CHST11: variants seen among roughly 807,000 people sequenced by gnomAD.
CHST11 encodes the protein carbohydrate sulfotransferase 11.
Under a neutral mutation model 30.4 loss-of-function variants are expected in CHST11, and 9 were observed. The ratio of observed to expected loss-of-function variants is 0.30; its 90% CI spans 0.18 to 0.52. The LOEUF (loss-of-function observed/expected upper bound fraction) is 0.52, where lower values mean the gene tolerates loss of function less well. Among genes scored for constraint, CHST11 ranks in the 20% least tolerant of loss-of-function variants. CHST11 has a pLI of 0.97. For missense variants in CHST11, 348 were observed against 460.6 expected, an observed-to-expected ratio of 0.76 and a Z score of 2.24; for synonymous variants, 152 against 187.8, an observed-to-expected ratio of 0.81 and a Z score of 1.56.
intron 2 of CHST11, among the ~76,000 whole-genome samples, chr12:104,720,080 T>C (rs2040161734): frequency 6.6e-6 from 1 of 152,218 alleles, no homozygotes; most frequent in Admixed American, 6.5e-5. Context: ...TTTTTGTAAA[T>C]TGAATAAGTG....
intron 2 of CHST11, among the ~76,000 whole-genome samples, chr12:104,720,508 G>A (rs1341000917): frequency 6.6e-6 from 1 of 152,162 alleles, no homozygotes; most frequent in East Asian, 1.9e-4. Context: ...CTACACTCAT[G>A]TCATGCGCTG....
intron 1 of CHST11, among the ~76,000 whole-genome samples, chr12:104,502,608 C>T (rs1252838931): frequency 6.6e-6 from 1 of 152,118 alleles, no homozygotes; most frequent in Admixed American, 6.5e-5. Flanking sequence ...ACAAGGTGAT[C>T]CAGATGGAGA....
intron 1 of CHST11, among the ~76,000 whole-genome samples, chr12:104,488,411 GTGTA>G (rs1162758137): frequency 6.6e-6 from 1 of 151,442 alleles, no homozygotes; most frequent in Non-Finnish European, 1.5e-5. Context: ...GTCCAGGTAT[GTGTA>G]TGTGTCTATG....
At chr12:104,722,427 C>T (rs1365695501) in intron 2 of CHST11, among the ~76,000 whole-genome samples, 1 of 152,048 alleles carries the variant, frequency 6.6e-6, no homozygotes, top group Admixed American at 6.6e-5. Context: ...CTGCCCTAAC[C>T]GTGGTTTTTA....
At chr12:104,683,368 C>T (rs749669161) in intron 2 of CHST11, among the ~76,000 whole-genome samples, 1 of 152,074 alleles carries the variant, frequency 6.6e-6, no homozygotes, top group African/African-American at 2.4e-5. Context: ...GAAATGAGGC[C>T]GGGCTTATAC....
chr12:104,636,247 A>G (rs1032978471), intron 2 of CHST11, among the ~76,000 whole-genome samples: 3 of 152,106 alleles, frequency 2.0e-5, no homozygotes, highest in Non-Finnish European at 2.9e-5. Context: ...TTCTTTGTTC[A>G]ACGCTACCAC....
chr12:104,528,840 TC>T (rs1447346558), intron 1 of CHST11, among the ~76,000 whole-genome samples: 3 of 152,210 alleles, frequency 2.0e-5, no homozygotes, highest in African/African-American at 7.2e-5. Flanking sequence ...TGCTGCAGTG[TC>T]CCCAGGACTG....
intron 2 of CHST11, among the ~76,000 whole-genome samples, chr12:104,646,676 C>T (rs897085714): frequency 2.6e-5 from 4 of 152,150 alleles, no homozygotes; most frequent in African/African-American, 9.7e-5. Context: ...TCCAACCTGG[C>T]GACAGAGCAA....
intron 2 of CHST11, among the ~76,000 whole-genome samples, chr12:104,682,229 T>C (rs1025592366): frequency 6.6e-6 from 1 of 152,194 alleles, no homozygotes; most frequent in Admixed American, 6.5e-5. Flanking sequence ...ATATATGTTG[T>C]ACAGCACTGG....
At chr12:104,642,438 T>C (rs1383686332) in intron 2 of CHST11, among the ~76,000 whole-genome samples, 1 of 152,248 alleles carries the variant, frequency 6.6e-6, no homozygotes, top group Non-Finnish European at 1.5e-5. Context: ...TCTTGCTGTG[T>C]CGCCCAGGCT....
intron 2 of CHST11, among the ~76,000 whole-genome samples, chr12:104,712,359 A>G (rs953079424): frequency 6.6e-6 from 1 of 152,138 alleles, no homozygotes; most frequent in Non-Finnish European, 1.5e-5. Context: ...CAAAGGGAAC[A>G]GATAGTCCAT....
At chr12:104,482,344 G>GC (rs35376549) in intron 1 of CHST11, among the ~76,000 whole-genome samples, 12,671 of 88,844 alleles carry the variant, frequency 0.14, 660 homozygotes, top group South Asian at 0.3. Flanking sequence ...CAAACAGGGA[G>GC]CCCCCCCCCG....
chr12:104,627,767 A>T (rs1286629950), intron 2 of CHST11, among the ~76,000 whole-genome samples: 3 of 146,700 alleles, frequency 2.0e-5, no homozygotes, highest in African/African-American at 7.5e-5. Context: ...GTGTCTTCTC[A>T]GCATAAAGTC....
chr12:104,690,595 G>A (rs1176900911), intron 2 of CHST11, among the ~76,000 whole-genome samples: 1 of 152,200 alleles, frequency 6.6e-6, no homozygotes, highest in Non-Finnish European at 1.5e-5. Flanking sequence ...GGAGGCCGAG[G>A]AGGGTGGATC....
intron 1 of CHST11, among the ~76,000 whole-genome samples, chr12:104,538,196 G>A (rs952400515): frequency 2.0e-5 from 3 of 152,184 alleles, no homozygotes; most frequent in African/African-American, 7.2e-5. Flanking sequence ...CAGTTTCTCA[G>A]ACATTCCTTA....
At chr12:104,714,724 A>C (rs2040116172) in intron 2 of CHST11, among the ~76,000 whole-genome samples, 1 of 152,056 alleles carries the variant, frequency 6.6e-6, no homozygotes, top group Non-Finnish European at 1.5e-5. Context: ...TGTAGGATTT[A>C]TTTTAGGTGC....
At chr12:104,521,998 A>T (rs2038078067) in intron 1 of CHST11, among the ~76,000 whole-genome samples, 1 of 152,162 alleles carries the variant, frequency 6.6e-6, no homozygotes, top group African/African-American at 2.4e-5. Flanking sequence ...CTGTGCCCGG[A>T]AAATTCGACT....
chr12:104,649,302 T>A (rs535680488), intron 2 of CHST11, among the ~76,000 whole-genome samples: 1 of 152,208 alleles, frequency 6.6e-6, no homozygotes, highest in African/African-American at 2.4e-5. Flanking sequence ...ATAATAATCT[T>A]AACAGCAATA....
chr12:104,759,936 A>C lies in CHST11; in HGVS notation c.*2133A>C, dbSNP rs2040510438. On this transcript the variant is annotated 3_prime_UTR_variant, in exon 3 of 3. Transcript: ENST00000303694. ...GGTTGTCCAACATTTTCTAATACGC[A>C]TTCTACAGAACACAGGTTCCAGGAG... 1 of 152,228 alleles carries C rather than the reference A, an allele frequency of 6.6e-6. No homozygotes were observed. The highest frequency in any genetic ancestry group is 1.9e-4 in the East Asian group (1 of 5,200). 9.4% of individuals were successfully genotyped at this position (152,228 alleles called of 1,614,324 possible). A position where few individuals can be genotyped will look rare whatever the true frequency, so the allele number is the denominator to read the frequency against.
Sources: gnomAD v4.1 joint callset for allele counts (sites outside exome capture counted in the v4.1 genomes callset) on GRCh38, gnomAD v4.1.1 for gene constraint, MANE v1.5 for transcripts, NCBI Gene and HGNC (gene_info 2026-07-23, HGNC 2026-07-21) for gene names.